Variants in GPM6A observed in about 807,000 individuals in gnomAD.
The protein encoded by GPM6A is neuronal membrane glycoprotein M6-a.
A neutral mutation model predicts 32.1 loss-of-function variants in GPM6A; 7 were observed. That is an observed-to-expected ratio of 0.22 (90% CI 0.12 to 0.41). The LOEUF is 0.41. Ranked by LOEUF, GPM6A falls within the 10% of genes least tolerant of loss-of-function variation. The pLI, the probability that GPM6A is intolerant of heterozygous loss-of-function variation, is 1.00. For synonymous variants in GPM6A, 130 were observed against 123.4 expected (o/e 1.05, Z -0.35); for missense variants, 235 against 347.2 (o/e 0.68, Z 2.57).
chr4:175,763,332 C>G (rs969637639), intron 1 of GPM6A, among the ~76,000 whole-genome samples: 2 of 152,050 alleles, frequency 1.3e-5, no homozygotes, highest in African/African-American at 4.8e-5. Flanking sequence ...TTTTTAAAAG[C>G]CAATCTTTCC....
chr4:175,693,719 T>G (rs1744421730), intron 2 of GPM6A, among the ~76,000 whole-genome samples: 1 of 152,192 alleles, frequency 6.6e-6, no homozygotes, highest in Non-Finnish European at 1.5e-5. Flanking sequence ...TGTTCAAATA[T>G]TATTGGAATG....
intron 1 of GPM6A, among the ~76,000 whole-genome samples, chr4:175,874,137 C>T (rs1315522709): frequency 6.6e-6 from 1 of 152,096 alleles, no homozygotes; most frequent in Non-Finnish European, 1.5e-5. Context: ...GCACCATATT[C>T]CTTACGGCAG....
chr4:175,785,930 T>A (rs1056226080), intron 1 of GPM6A, among the ~76,000 whole-genome samples: 1 of 151,606 alleles, frequency 6.6e-6, no homozygotes, highest in African/African-American at 2.4e-5. Context: ...CTCAGTCCAA[T>A]CAGAAAGACA....
chr4:175,675,573 A>G (rs895070766), intron 2 of GPM6A, among the ~76,000 whole-genome samples: 1 of 152,176 alleles, frequency 6.6e-6, no homozygotes, highest in East Asian at 1.9e-4. Flanking sequence ...AAACCCACTA[A>G]TCTTCCTTTG....
At chr4:175,730,121 C>A (rs1731353263) in intron 1 of GPM6A, among the ~76,000 whole-genome samples, 1 of 152,050 alleles carries the variant, frequency 6.6e-6, no homozygotes, top group Admixed American at 6.5e-5. Flanking sequence ...CTCTCCTTTA[C>A]TCTGCATGCC....
chr4:175,895,059 C>T (rs143259592), intron 1 of GPM6A, among the ~76,000 whole-genome samples: 37 of 152,170 alleles, frequency 2.4e-4, no homozygotes, highest in African/African-American at 7.7e-4. Flanking sequence ...ACCCAGAATG[C>T]GATAGAGTGA....
chr4:175,881,296 A>G lies in GPM6A; in HGVS notation c.-22-69047T>C, dbSNP rs185493544. Among the ~76,000 whole-genome samples, 63 of 152,356 alleles carry G rather than the reference A, an allele frequency of 4.1e-4. 4 individuals are homozygous for G. In the East Asian group the frequency reaches 4.2e-3, roughly 10 times the overall value. ...ATGCAAATCAAAACCACAGTGAGAT[A>G]TCATCTCACACCAGTTAGAATGGCG... is the stretch of plus-strand genomic sequence containing the variant. On this transcript the variant is annotated intron_variant, in intron 1 of 7. Transcript: ENST00000280187.
chr4:175,829,662 TATAC>T (rs961752257), intron 1 of GPM6A, among the ~76,000 whole-genome samples: 2 of 147,360 alleles, frequency 1.4e-5, no homozygotes, highest in Admixed American at 6.8e-5. Context: ...TATATATATA[TATAC>T]ATATAAAACA....
At chr4:175,944,758 TTAG>T (rs1183242644) in intron 1 of GPM6A, among the ~76,000 whole-genome samples, 2 of 152,220 alleles carry the variant, frequency 1.3e-5, no homozygotes, top group African/African-American at 4.8e-5. Context: ...TGCTTGACTC[TTAG>T]TGGCATGGAC....
chr4:175,945,700 T>C (rs1177592761), intron 1 of GPM6A, among the ~76,000 whole-genome samples: 1 of 150,718 alleles, frequency 6.6e-6, no homozygotes, highest in Admixed American at 6.7e-5. Flanking sequence ...TTATATTACT[T>C]GTAAGTTATA....
intron 4 of GPM6A, among the ~76,000 whole-genome samples, chr4:175,650,251 G>A (rs901481337): frequency 6.6e-6 from 1 of 151,072 alleles, no homozygotes; most frequent in Non-Finnish European, 1.5e-5. Flanking sequence ...CACTTATTTG[G>A]CACTCTTTGA....
chr4:175,729,993 T>G (rs952007907), intron 1 of GPM6A, among the ~76,000 whole-genome samples: 2 of 150,076 alleles, frequency 1.3e-5, no homozygotes, highest in Non-Finnish European at 3.0e-5. Flanking sequence ...TATCTAAAGA[T>G]CCTTGTACAG....
chr4:175,830,480 C>A (rs1579548678), intron 1 of GPM6A, among the ~76,000 whole-genome samples: 1 of 152,308 alleles, frequency 6.6e-6, no homozygotes, highest in African/African-American at 2.4e-5. Context: ...GTTCTTCACA[C>A]ATATATCATC....
chr4:175,705,671 A>T (rs1441713383), intron 1 of GPM6A, among the ~76,000 whole-genome samples: 2 of 152,020 alleles, frequency 1.3e-5, no homozygotes, highest in African/African-American at 2.4e-5. Flanking sequence ...TGGGCCCCGG[A>T]TAGGTTCCCA....
chr4:175,898,414 G>A (rs970675150), intron 1 of GPM6A, among the ~76,000 whole-genome samples: 2 of 152,148 alleles, frequency 1.3e-5, no homozygotes, highest in African/African-American at 4.8e-5. Flanking sequence ...CTGGGTCTCA[G>A]AGGGTTTGTT....
intron 1 of GPM6A, among the ~76,000 whole-genome samples, chr4:175,979,900 A>G (rs542139802): frequency 6.6e-6 from 1 of 152,134 alleles, no homozygotes; most frequent in East Asian, 1.9e-4. Context: ...TTTTACATCT[A>G]CTCCTCTGCA....
intron 1 of GPM6A, among the ~76,000 whole-genome samples, chr4:175,833,424 A>T (rs948129329): frequency 6.6e-6 from 1 of 152,064 alleles, no homozygotes. Flanking sequence ...TTGTTTTGTT[A>T]TGTTTTGTTT....
chr4:175,860,857 G>A (rs979465106), intron 1 of GPM6A, among the ~76,000 whole-genome samples: 4 of 152,206 alleles, frequency 2.6e-5, no homozygotes, highest in South Asian at 4.1e-4. Context: ...ATCCTTTTGA[G>A]AGGAAAGTTA....
At chr4:175,672,481 C>T (rs914833343) in intron 3 of GPM6A, among the ~76,000 whole-genome samples, 3 of 152,144 alleles carry the variant, frequency 2.0e-5, no homozygotes, top group African/African-American at 7.2e-5. Context: ...ATCTTAAAAT[C>T]GGAATTTGCC....
Sources: allele counts gnomAD v4.1 joint callset (sites outside exome capture counted in the v4.1 genomes callset), GRCh38; gene constraint gnomAD v4.1.1; transcripts MANE v1.5; gene names NCBI Gene and HGNC (gene_info 2026-07-23, HGNC 2026-07-21).